Variants in ZNF347 observed in about 807,000 individuals in gnomAD.
ZNF347 encodes CTD-2620I22.7.
ZNF347 carries 19 observed loss-of-function variants against 12.9 expected under a neutral mutation model. That is an observed-to-expected ratio of 1.47 (90% CI 1.03 to 2.16). ZNF347 has a LOEUF of 2.16. ZNF347 is among the 30% of genes most tolerant of loss of function. The pLI, the probability that ZNF347 is intolerant of heterozygous loss-of-function variation, is 0.00. For synonymous variants in ZNF347, 328 were observed against 340.6 expected (o/e 0.96, Z 0.41); for missense variants, 1,005 against 990.6 (o/e 1.01, Z -0.19).
rs2090381896 is a variant in ZNF347 at position 53,135,339 on chromosome 19, T to TATATAGAGAGAG, written c.*4968_*4969insCTCTCTCTATAT. 3.5e-5 allele frequency: 3 copies of TATATAGAGAGAG among 85,256 alleles called. No homozygotes were observed. Among genetic ancestry groups the TATATAGAGAGAG allele is most frequent in the African/African-American group, 1.7e-4 (3 of 17,188 alleles). The allele number at this position is 85,256 out of a possible 1,614,324, so 5.3% of individuals were successfully genotyped here. A position where few individuals can be genotyped will look rare whatever the true frequency, so the allele number is the denominator to read the frequency against. On this transcript the variant is annotated 3_prime_UTR_variant, in exon 5 of 5. Transcript: ENST00000334197. The stretch of plus-strand genomic sequence containing the variant: ...ATATATATATATATATATATATATA[T>TATATAGAGAGAG]AGAGAGAGAGAGAGAGAGAGAGAGA...
Position 53,153,727 on chromosome 19 carries a change from C to T in ZNF347, c.15+6G>A. 6.2e-7 allele frequency: 1 copy of T among 1,613,854 alleles called. No homozygotes were observed. ...ACAGAACAATCCACTGATAATATTA[C>T]CTTACCTGGGTGAGAGCCATGCCTG... On this transcript the variant is annotated splice_donor_region_variant and intron_variant, in intron 2 of 4. Transcript: ENST00000334197.
intron 1 of ZNF347, 71 bp downstream of exon 1, chr19:53,158,938 G>A (rs929925679): frequency 6.6e-6 from 1 of 150,956 alleles, no homozygotes; most frequent in Non-Finnish European, 1.5e-5. Context: ...GGTCTGTAGC[G>A]AGCCCGGGAA....
chr19:53,159,005 T>G lies in ZNF347; in HGVS notation c.-47+4A>C, dbSNP rs1052073119. 2.0e-5 allele frequency: 3 copies of G among 150,234 alleles called. No individual in the cohort carries two copies. Among genetic ancestry groups the G allele is most frequent in the African/African-American group, 7.3e-5 (3 of 40,820 alleles). The allele number at this position is 150,234 out of a possible 1,614,324, so 9.3% of individuals were successfully genotyped here. On this transcript the variant is annotated splice_donor_region_variant and intron_variant, in intron 1 of 4. Transcript: ENST00000334197. The stretch of plus-strand genomic sequence containing the variant: ...AAGTTTAATCCATACTGAGGGACAC[T>G]CACGCTCGGCGGCGTCACCCGCACC...
rs900667437 is a variant in ZNF347 at position 53,158,999 on chromosome 19, G to T, written c.-47+10C>A. On this transcript the variant is annotated intron_variant, in intron 1 of 4. Coordinates refer to ENST00000334197, the MANE Select transcript of ZNF347 (RefSeq NM_032584.3). ...GTTCGCAAGTTTAATCCATACTGAG[G>T]GACACTCACGCTCGGCGGCGTCACC... 2 of 152,046 alleles carry T rather than the reference G, an allele frequency of 1.3e-5. No individual in the cohort carries two copies. The highest frequency in any genetic ancestry group is 2.9e-5 in the Non-Finnish European group (2 of 68,034). 9.4% of individuals were successfully genotyped at this position (152,046 alleles called of 1,614,324 possible). A position where few individuals can be genotyped will look rare whatever the true frequency, so the allele number is the denominator to read the frequency against.
chr19:53,148,921 A>G, intron 3 of ZNF347, 112 bp from the exon 4 acceptor site: 1 of 1,394,878 alleles, frequency 7.2e-7, no homozygotes, highest in Non-Finnish European at 9.7e-7. Flanking sequence ...ACACTTCAAA[A>G]ATTCATCCAC....
At position 53,153,804 on chromosome 19, in the gene ZNF347, A is replaced by T; in HGVS notation, c.-46-11T>A. ...CTTCAAGGGTTCTTCCTTAGGTAAC[A>T]GGAAAGTGCCTTTAGAAGTCAATAT... On this transcript the variant is annotated splice_polypyrimidine_tract_variant and intron_variant, in intron 1 of 4. Transcript: ENST00000334197. The T allele has an allele frequency of 6.2e-7, 1 of 1,611,714 alleles. No homozygotes were observed. Among genetic ancestry groups the T allele is most frequent in the Non-Finnish European group, 8.5e-7 (1 of 1,178,018 alleles).
rs888605767 is a variant in ZNF347 at position 53,139,891 on chromosome 19, A to G, written c.*417T>C. 3 of 164,664 alleles carry G rather than the reference A, an allele frequency of 1.8e-5. No homozygotes were observed. The highest frequency in any genetic ancestry group is 7.2e-5 in the African/African-American group (3 of 41,394). 10.2% of individuals were successfully genotyped at this position (164,664 alleles called of 1,614,324 possible). A position where few individuals can be genotyped will look rare whatever the true frequency, so the allele number is the denominator to read the frequency against. Reference sequence around the variant, plus strand: ...CTTGAACTCATGAGGAGTTTGCCACAGTCATTGCATTTTTTTTTTTTCCTT... The same window carrying G: ...CTTGAACTCATGAGGAGTTTGCCACGGTCATTGCATTTTTTTTTTTTCCTT... On this transcript the variant is annotated 3_prime_UTR_variant, in exon 5 of 5. Transcript: ENST00000334197.
chr19:53,151,899 C>A (rs2090500519), intron 2 of ZNF347, among the ~76,000 whole-genome samples: 1 of 152,072 alleles, frequency 6.6e-6, no homozygotes, highest in East Asian at 1.9e-4. Flanking sequence ...TCGAGACCAG[C>A]CTGACCAACA....
chr19:53,149,725 A>G (rs1156349309), intron 2 of ZNF347, among the ~76,000 whole-genome samples: 1 of 152,184 alleles, frequency 6.6e-6, no homozygotes, highest in Non-Finnish European at 1.5e-5. Flanking sequence ...GCTGATCACC[A>G]GTAGCCAAAG....
Position 53,142,244 on chromosome 19 carries a change from A to G in ZNF347, c.584T>C (p.Leu195Pro). The G allele has an allele frequency of 1.2e-6, 2 of 1,613,048 alleles. No individual in the cohort carries two copies. The highest frequency in any genetic ancestry group is 1.7e-6 in the Non-Finnish European group (2 of 1,179,676). The change falls in exon 5 of 5, where the codon CTG (leucine) becomes CCG (proline). Residue 195 changes from leucine to proline, a missense_variant. Physicochemically the swap from Leu to Pro is moderately conservative, Grantham distance 98. Coordinates refer to ENST00000334197, the MANE Select transcript of ZNF347 (RefSeq NM_032584.3). ...GLSLQSHLPELQLFQYEGKIY... is the reference protein window; with the variant it reads ...GLSLQSHLPEPQLFQYEGKIY... ...TTTCCCTTCATATTGAAAAAGCTGC[A>G]GTTCAGGCAGATGTGACTGAAGGCT...
rs755995716 is a variant in ZNF347 at position 53,149,243 on chromosome 19, A to C, written c.140T>G (p.Leu47Arg). The C allele has an allele frequency of 2.5e-5, 40 of 1,612,380 alleles. No individual in the cohort carries two copies. Among genetic ancestry groups the C allele is most frequent in the Non-Finnish European group, 3.2e-5 (38 of 1,179,474 alleles). The change falls in exon 3 of 5, where the codon CTG becomes CGG. Residue 47 changes from leucine to arginine, a missense_variant and splice_region_variant. By Grantham distance (102) the Leu-to-Arg change is moderately radical (BLOSUM62 -2). Transcript: ENST00000334197. Reference protein sequence around the residue: ...MLENYRNLASLGISCFDLSII... With the variant: ...MLENYRNLASRGISCFDLSII... ...TTCTGGAAGAAAGTCATCCTCACCC[A>C]GGGAGGCCAGGTTCCTATAATTCTC... is the stretch of plus-strand genomic sequence containing the variant.
intron 4 of ZNF347, among the ~76,000 whole-genome samples, chr19:53,145,860 C>T (rs1307661449): frequency 6.6e-6 from 1 of 151,272 alleles, no homozygotes; most frequent in African/African-American, 2.4e-5. Flanking sequence ...AAAGCAAGAA[C>T]AAACCAAACC....
In ZNF347 at chr19:53,135,390, A is replaced by AGAGAGGGAGG. The variant is rs2090383652; in HGVS notation, c.*4917_*4918insCCTCCCTCTC. On this transcript the variant is annotated 3_prime_UTR_variant, in exon 5 of 5. Transcript: ENST00000334197. ...GAGAAAGAGAGAGAGAGAGAGAGAG[A>AGAGAGGGAGG]GAGATGGAGTCCCGCTCTGTCACTG... 2 of 147,112 alleles carry AGAGAGGGAGG rather than the reference A, an allele frequency of 1.4e-5. No individual in the cohort carries two copies. The highest frequency in any genetic ancestry group is 5.0e-5 in the African/African-American group (2 of 39,802). 9.1% of individuals were successfully genotyped at this position (147,112 alleles called of 1,614,324 possible). A position where few individuals can be genotyped will look rare whatever the true frequency, so the allele number is the denominator to read the frequency against.
rs532346296 is a variant in ZNF347 at position 53,145,857 on chromosome 19, G to T, written c.271+2824C>A. Among the ~76,000 whole-genome samples, 3 of 150,604 alleles carry T rather than the reference G, an allele frequency of 2.0e-5. No individual in the cohort carries two copies. In the East Asian group the frequency reaches 5.8e-4, roughly 29 times the overall value. ...ACAACTCAAGGAACTAGAAAAGCAA[G>T]AACAAACCAAACCCAAAAGTAGTAG... On this transcript the variant is annotated intron_variant, in intron 4 of 4. Transcript: ENST00000334197.
intron 1 of ZNF347, among the ~76,000 whole-genome samples, chr19:53,154,494 T>C (rs148533652): frequency 1.5e-4 from 22 of 151,642 alleles, no homozygotes; most frequent in African/African-American, 5.1e-4. Context: ...AGGCAATGAG[T>C]GCGGACAGAG....
intron 1 of ZNF347, among the ~76,000 whole-genome samples, chr19:53,155,001 G>A (rs1180066553): frequency 1.3e-5 from 2 of 151,552 alleles, no homozygotes; most frequent in South Asian, 2.1e-4. Flanking sequence ...GCAATGTTGC[G>A]ATCTCGGCTC....
rs550425081 is a variant in ZNF347 at position 53,144,923 on chromosome 19, T to C, written c.272-2367A>G. Among the ~76,000 whole-genome samples, 8 of 151,910 alleles carry C rather than the reference T, an allele frequency of 5.3e-5. 1 individual carries two copies. Among genetic ancestry groups the C allele is most frequent in the African/African-American group, 1.9e-4 (8 of 41,436 alleles). ...ACAAGTCTCAATAAATTCAAAAAAG[T>C]CAAAATTGTATCTAGTATCTTTTCT... On this transcript the variant is annotated intron_variant, in intron 4 of 4. Coordinates refer to ENST00000334197, the MANE Select transcript of ZNF347 (RefSeq NM_032584.3).
rs561700431 is a variant in ZNF347, at chr19:53,150,308, G to A, written c.16-941C>T. ...AAAACCCAGGACATCTGGGATCACA[G>A]ATGTGTTTTCCGTTGTGAGAGTACA... On this transcript the variant is annotated intron_variant, in intron 2 of 4. Coordinates refer to ENST00000334197, the MANE Select transcript of ZNF347 (RefSeq NM_032584.3). 5.9e-5 allele frequency among the ~76,000 whole-genome samples: 9 copies of A among 152,356 alleles called. No homozygotes were observed. In the East Asian group the frequency reaches 1.7e-3, roughly 29 times the overall value.
rs1288453488 is a variant in ZNF347, at chr19:53,135,984, A to G, written c.*4324T>C. 6.6e-6 allele frequency: 1 copy of G among 152,134 alleles called. No individual in the cohort carries two copies. Among genetic ancestry groups the G allele is most frequent in the African/African-American group, 2.4e-5 (1 of 41,424 alleles). 9.4% of individuals were successfully genotyped at this position (152,134 alleles called of 1,614,324 possible). A position where few individuals can be genotyped will look rare whatever the true frequency, so the allele number is the denominator to read the frequency against. On this transcript the variant is annotated 3_prime_UTR_variant, in exon 5 of 5. Coordinates refer to ENST00000334197, the MANE Select transcript of ZNF347 (RefSeq NM_032584.3). ...CTGGCTCAGAAAAGAAATACCAGCCACAGTAGGAAGTTGAATTGCCTCCAG... is the reference window on the plus strand; with the variant it reads ...CTGGCTCAGAAAAGAAATACCAGCCGCAGTAGGAAGTTGAATTGCCTCCAG...
Sources: gnomAD v4.1 joint callset for allele counts (sites outside exome capture counted in the v4.1 genomes callset) on GRCh38, gnomAD v4.1.1 for gene constraint, MANE v1.5 for transcripts, NCBI Gene and HGNC (gene_info 2026-07-23, HGNC 2026-07-21) for gene names.